The following LAMB2 variants were observed in gnomAD, a reference collection of about 807,000 sequenced individuals.
The protein encoded by LAMB2 is laminin subunit beta 2.
In LAMB2, 119 loss-of-function variants were observed where a neutral mutation model predicts 202.7. The observed-to-expected ratio is 0.59, with a 90% CI of 0.51 to 0.68. The LOEUF (loss-of-function observed/expected upper bound fraction) is 0.68, where lower values mean the gene tolerates loss of function less well. Ranked by LOEUF, LAMB2 falls within the 30% of genes least tolerant of loss-of-function variation. The pLI, the probability that LAMB2 is intolerant of heterozygous loss-of-function variation, is 0.00. For missense variants in LAMB2, 2,124 were observed against 2,410.6 expected, an observed-to-expected ratio of 0.88 and a Z score of 2.49; for synonymous variants, 818 against 902.2, an observed-to-expected ratio of 0.91 and a Z score of 1.67.
Position 49,131,871 on chromosome 3 carries a change from G to T in LAMB2, c.460-148C>A. The T allele has an allele frequency of 1.1e-6, 1 of 949,952 alleles. No homozygotes were observed. Among genetic ancestry groups the T allele is most frequent in the Non-Finnish European group, 1.6e-6 (1 of 616,574 alleles). 58.8% of individuals were successfully genotyped at this position (949,952 alleles called of 1,614,324 possible). On this transcript the variant is annotated intron_variant, in intron 4 of 31. Coordinates refer to ENST00000305544, the MANE Select transcript of LAMB2 (RefSeq NM_002292.4). This position sits in a 1 kb window ranked among gnomAD's most constrained non-coding sequence, Gnocchi z 5.0. ...GGAAGCCAGATAATGACCAGCAAAG[G>T]TAGCCACCTCTAATGGGGAGACTCA... is the stretch of plus-strand genomic sequence containing the variant.
At position 49,123,619 on chromosome 3, in the gene LAMB2, C is replaced by T. The variant is rs144765123; in HGVS notation, c.3810G>A (p.Gly1270=). The T allele has an allele frequency of 3.1e-6, 5 of 1,614,004 alleles. No individual in the cohort carries two copies. The African/African-American group carries it at 6.7e-5, about 22-fold the overall frequency. Residue 1270 remains glycine, a synonymous_variant, in exon 25 of 32, where the codon GGG becomes GGA. Transcript: ENST00000305544. ...EATEELRREI[G]EATEHLTQLE... ...GCTGAGTCAGGTGCTCAGTGGCCTC[C>T]CCAATTTCACGCCTGCAATGATGGA...
chr3:49,122,990 T>C lies in LAMB2; in HGVS notation c.4287A>G (p.Arg1429=). The part of the protein sequence containing the change: ...ATSPCGGAGC[R]DEDGQPRCGG... ...CACAGCGCGGCTGCCCATCCTCATC[T>C]CGACAGCCGGCACCCCCACAAGGGC... Residue 1429 remains arginine (R), a synonymous_variant, in exon 27 of 32, where the codon CGA becomes CGG. Coordinates refer to ENST00000305544, the MANE Select transcript of LAMB2 (RefSeq NM_002292.4). 1 of 1,608,782 alleles carries C rather than the reference T, an allele frequency of 6.2e-7. No homozygotes were observed. Among genetic ancestry groups the C allele is most frequent in the Non-Finnish European group, 8.5e-7 (1 of 1,179,938 alleles).
Position 49,121,838 on chromosome 3 carries a change from G to T in LAMB2, c.4946C>A (p.Ala1649Glu), listed in dbSNP as rs2045274219. ...LYQVQERMAG[A>E]ERALSSAGER... ...ACCTGCAGAGCTCAGTGCCCGCTCT[G>T]CACCTGCCATCCTCTCCTGTACCTG... Residue 1649 changes from alanine to glutamate, a missense_variant, in exon 30 of 32, where the codon GCA (alanine) becomes GAA (glutamate). By Grantham distance (107) the Ala-to-Glu change is moderately radical. This residue lies in a region of LAMB2 where 1,702 missense variants were observed against 1,896.3 expected (regional missense o/e 0.90). Transcript: ENST00000305544. 1 of 1,612,886 alleles carries T rather than the reference G, an allele frequency of 6.2e-7. No homozygotes were observed.
rs755401110 is a variant in LAMB2, at chr3:49,131,422, G to A, written c.669C>T (p.Asp223=). The A allele has an allele frequency of 3.1e-6, 5 of 1,614,120 alleles. No individual in the cohort carries two copies. The South Asian group carries it at 5.5e-5, about 18-fold the overall frequency. ...AGGGGTCTGGGATAGGGATGGCAGG[G>A]TCCAGCACACGATAGATGACCTGGA... ...TEGEVIYRVL[D]PAIPIPDPYS... Residue 223 remains aspartate, a synonymous_variant, in exon 6 of 32, where the codon GAC becomes GAT. Transcript: ENST00000305544. The surrounding 1 kb of genome is among the most constrained non-coding windows in gnomAD (Gnocchi z 5.0).
Position 49,121,415 on chromosome 3 carries a change from T to G in LAMB2, c.5260+18A>C, listed in dbSNP as rs758997334. ...GGGGTTTCCCGCAGTCTTGTGTCTC[T>G]GGTGCCCCATTTCTTACCCTGTAGC... On this transcript the variant is annotated intron_variant, in intron 31 of 31. Transcript: ENST00000305544. 1.2e-6 allele frequency: 2 copies of G among 1,614,120 alleles called. No homozygotes were observed. Among genetic ancestry groups the G allele is most frequent in the East Asian group, 4.5e-5 (2 of 44,874 alleles).
rs748252963 is a variant in LAMB2 at position 49,131,592 on chromosome 3, CCA to C, written c.589_590del (p.Trp197GlyfsTer2). The C allele has an allele frequency of 6.2e-7, 1 of 1,613,882 alleles. No homozygotes were observed. The highest frequency in any genetic ancestry group is 8.5e-7 in the Non-Finnish European group (1 of 1,180,032). On this transcript the variant is annotated frameshift_variant, in exon 5 of 32. Transcript: ENST00000305544. LOFTEE classifies it high-confidence loss of function. This position sits in a 1 kb window ranked among gnomAD's most constrained non-coding sequence, Gnocchi z 5.0. The part of the protein sequence containing the change: ...PGVPLAPPRH[W>X]DDVVCESRYS... ...AGCGGGACTCACAGACTACATCATC[CCA>C]GTGCCGTGGGGGTGCTAGTGGGACT...
At position 49,125,173 on chromosome 3, in the gene LAMB2, C is replaced by T. The variant is rs1237875104; in HGVS notation, c.2721-4G>A. 5 of 1,613,446 alleles carry T rather than the reference C, an allele frequency of 3.1e-6. No individual in the cohort carries two copies. In the East Asian group the frequency reaches 1.1e-4, roughly 36 times the overall value. On this transcript the variant is annotated splice_polypyrimidine_tract_variant and splice_region_variant and intron_variant, in intron 19 of 31. Transcript: ENST00000305544. ...CCCGTGGAAACCAGCAATGCACCTG[C>T]AGGGAGGAGGAAGAAGAAATGTGTC... is the stretch of plus-strand genomic sequence containing the variant.
rs2045394598 is a variant in LAMB2, at chr3:49,124,924, C to T, written c.2886G>A (p.Gly962=). Residue 962 remains glycine (G), a splice_region_variant and synonymous_variant, in exon 21 of 32, where the codon GGG becomes GGA. Coordinates refer to ENST00000305544, the MANE Select transcript of LAMB2 (RefSeq NM_002292.4). ...IVCHCRAGYT[G]LRCEACAPGH... is the part of the protein sequence containing the mutation. ...CAGGGGCACAAGCTTCACATCGCAG[C>T]CCTGCCCACGGTTAAGAGGAAGCTG... 6.2e-7 allele frequency: 1 copy of T among 1,613,948 alleles called. No homozygotes were observed. Among genetic ancestry groups the T allele is most frequent in the Non-Finnish European group, 8.5e-7 (1 of 1,180,050 alleles).
rs780053995 is a variant in LAMB2, at chr3:49,124,751, G to T, written c.3059C>A (p.Ala1020Asp). Residue 1020 changes from alanine to aspartate, a missense_variant, in exon 21 of 32, where the codon GCC becomes GAC. Transcript: ENST00000305544. ...CLHHTEGPHC[A>D]HCKPGFHGQA... ...CCCATGGAAGCCAGGCTTGCAGTGG[G>T]CACAGTGTGGACCCTCTGTGTGGTG... 2 of 1,614,206 alleles carry T rather than the reference G, an allele frequency of 1.2e-6. No homozygotes were observed. Among genetic ancestry groups the T allele is most frequent in the Non-Finnish European group, 1.7e-6 (2 of 1,180,038 alleles).
chr3:49,124,000 C>G lies in LAMB2; in HGVS notation c.3525G>C (p.Gln1175His). ...AGATTCCTGAGAAGCCACGGGCACA[C>G]TGGTCACAGCGCACACCAGACACCC... ...RPGVSGVRCDQCARGFSGIFP... is the reference protein window; with the variant it reads ...RPGVSGVRCDHCARGFSGIFP... Residue 1175 changes from glutamine (Q) to histidine (H), a missense_variant, in exon 24 of 32, where the codon CAG (glutamine) becomes CAC (histidine). Gln to His is a conservative substitution (Grantham distance 24). Transcript: ENST00000305544. The G allele has an allele frequency of 6.2e-7, 1 of 1,613,554 alleles. No individual in the cohort carries two copies. Among genetic ancestry groups the G allele is most frequent in the Non-Finnish European group, 8.5e-7 (1 of 1,180,036 alleles).
chr3:49,132,518 C>CT lies in LAMB2; in HGVS notation c.221dup (p.Pro75AlafsTer18). 1 of 1,613,844 alleles carries CT rather than the reference C, an allele frequency of 6.2e-7. No individual in the cohort carries two copies. ...GCAGGTGACTGACGATGCAGTAGGG[C>CT]TGGGGGCCATTCAGGCCACAAGTGG... On this transcript the variant is annotated frameshift_variant, in exon 2 of 32. Transcript: ENST00000305544. LOFTEE classifies it high-confidence loss of function. The surrounding 1 kb of genome is among the most constrained non-coding windows in gnomAD (Gnocchi z 4.6).
Position 49,122,960 on chromosome 3 carries a change from G to GC in LAMB2, c.4316dup (p.Leu1440ProfsTer33). On this transcript the variant is annotated frameshift_variant, in exon 27 of 32. Transcript: ENST00000305544. LOFTEE classifies it high-confidence loss of function. ...TAGCCGCTGCCCCATTGCAGCTGAG[G>GC]CCCCCACAGCGCGGCTGCCCATCCT... 1 of 1,608,744 alleles carries GC rather than the reference G, an allele frequency of 6.2e-7. No individual in the cohort carries two copies. Among genetic ancestry groups the GC allele is most frequent in the Non-Finnish European group, 8.5e-7 (1 of 1,179,920 alleles).
rs144324168 is a variant in LAMB2 at position 49,128,789 on chromosome 3, G to C, written c.1762C>G (p.Pro588Ala). 952 of 1,613,632 alleles carry C rather than the reference G, an allele frequency of 5.9e-4. No individual in the cohort carries two copies. Among genetic ancestry groups the C allele is most frequent in the Non-Finnish European group, 7.6e-4 (899 of 1,179,786 alleles). ...VLDVVERLVT[P>A]GETPSWTGSG... ...CCAGTCCAGGATGGAGTTTCCCCGG[G>C]GGTCACCAGGCGCTCCACCACATCG... Residue 588 changes from proline (P) to alanine (A), a missense_variant, in exon 14 of 32, where the codon CCC becomes GCC. This residue lies in a region of LAMB2 where 1,702 missense variants were observed against 1,896.3 expected (regional missense o/e 0.90). Transcript: ENST00000305544.
At position 49,130,278 on chromosome 3, in the gene LAMB2, A is replaced by C; in HGVS notation, c.1178T>G (p.Phe393Cys). 6.2e-7 allele frequency: 1 copy of C among 1,614,206 alleles called. No individual in the cohort carries two copies. The highest frequency in any genetic ancestry group is 8.5e-7 in the Non-Finnish European group (1 of 1,180,044). Residue 393 changes from phenylalanine to cysteine, a missense_variant, in exon 9 of 32, where the codon TTC becomes TGC. Physicochemically the swap from Phe to Cys is radical, Grantham distance 205 (BLOSUM62 -2). Transcript: ENST00000305544. The surrounding 1 kb of genome is among the most constrained non-coding windows in gnomAD (Gnocchi z 5.0). ...GRHCELCRPFFYRDPTKDLRD... is the reference protein window; with the variant it reads ...GRHCELCRPFCYRDPTKDLRD... ...CAGGTCCTTGGTTGGGTCACGGTAG[A>C]AGAAGGGCCGACAGAGCTCACAGTG...
In LAMB2 at chr3:49,123,869, T is replaced by C; in HGVS notation, c.3656A>G (p.Gln1219Arg). The C allele has an allele frequency of 6.2e-7, 1 of 1,613,456 alleles. No homozygotes were observed. The highest frequency in any genetic ancestry group is 8.5e-7 in the Non-Finnish European group (1 of 1,179,968). Residue 1219 changes from glutamine (Q) to arginine (R), a missense_variant, in exon 24 of 32, where the codon CAA (glutamine) becomes CGA (arginine). This residue lies in a region of LAMB2 where 1,702 missense variants were observed against 1,896.3 expected (regional missense o/e 0.90). Coordinates refer to ENST00000305544, the MANE Select transcript of LAMB2 (RefSeq NM_002292.4). The part of the protein sequence containing the change: ...QRLEQRAQEL[Q>R]QTGVLGAFES... Reference sequence around the variant, plus strand: ...AAAGGCACCCAGCACACCCGTCTGTTGCAACTCCTGCGCCCGCTGCTCTAG... The same window carrying C: ...AAAGGCACCCAGCACACCCGTCTGTCGCAACTCCTGCGCCCGCTGCTCTAG...
chr3:49,127,919 C>T (rs559630630), intron 15 of LAMB2, among the ~76,000 whole-genome samples: 1 of 148,470 alleles, frequency 6.7e-6, no homozygotes, highest in African/African-American at 2.5e-5. Context: ...ACTCGGGATG[C>T]TGACACATGA....
chr3:49,129,822 G>A lies in LAMB2; in HGVS notation c.1405+17C>T, dbSNP rs902016429. On this transcript the variant is annotated intron_variant, in intron 10 of 31. Transcript: ENST00000305544. The surrounding 1 kb of genome is among the most constrained non-coding windows in gnomAD (Gnocchi z 6.1). ...GGGTTAAAGGTCAGCATAGAAGTTA[G>A]GGCAGGAGACACATACGCCGGCAGC... 6.2e-7 allele frequency: 1 copy of A among 1,613,610 alleles called. No individual in the cohort carries two copies. The highest frequency in any genetic ancestry group is 1.3e-5 in the African/African-American group (1 of 74,924).
chr3:49,132,908 C>G lies in LAMB2; in HGVS notation c.-41G>C. 1 of 1,582,610 alleles carries G rather than the reference C, an allele frequency of 6.3e-7. No individual in the cohort carries two copies. Among genetic ancestry groups the G allele is most frequent in the Non-Finnish European group, 8.7e-7 (1 of 1,151,774 alleles). On this transcript the variant is annotated 5_prime_UTR_variant, in exon 1 of 32. Coordinates refer to ENST00000305544, the MANE Select transcript of LAMB2 (RefSeq NM_002292.4). This position sits in a 1 kb window ranked among gnomAD's most constrained non-coding sequence, Gnocchi z 4.6. ...AGGGATAAGGGGAGGTGAACGGTCTCGGGCCCGAGCCCTCCTCCTTGCTTT... is the reference window on the plus strand; with the variant it reads ...AGGGATAAGGGGAGGTGAACGGTCTGGGGCCCGAGCCCTCCTCCTTGCTTT...
rs2045382180 is a variant in LAMB2 at position 49,123,988 on chromosome 3, G to A, written c.3537C>T (p.Gly1179=). The A allele has an allele frequency of 6.2e-7, 1 of 1,613,376 alleles. No homozygotes were observed. Among genetic ancestry groups the A allele is most frequent in the Admixed American group, 1.7e-5 (1 of 60,010 alleles). ...SGVRCDQCAR[G]FSGIFPACHP... is the part of the protein sequence containing the mutation. ...GGCAGGCAGGAAAGATTCCTGAGAA[G>A]CCACGGGCACACTGGTCACAGCGCA... is the stretch of plus-strand genomic sequence containing the variant. Residue 1179 remains glycine, a synonymous_variant, in exon 24 of 32, where the codon GGC becomes GGT. Coordinates refer to ENST00000305544, the MANE Select transcript of LAMB2 (RefSeq NM_002292.4).
Sources: allele counts gnomAD v4.1 joint callset (sites outside exome capture counted in the v4.1 genomes callset), GRCh38; gene constraint gnomAD v4.1.1; regional missense constraint gnomAD v4.1.1; non-coding constraint Gnocchi (gnomAD v3.1); transcripts MANE v1.5; gene names NCBI Gene and HGNC (gene_info 2026-07-23, HGNC 2026-07-21).